SASH1: variants seen among roughly 807,000 people sequenced by gnomAD.
SASH1 encodes SAM and SH3 domain containing 1, also known as SAM and SH3 domain-containing protein 1.
SASH1 carries 44 observed loss-of-function variants against 125.2 expected under a neutral mutation model. The ratio of observed to expected loss-of-function variants is 0.35; its 90% CI spans 0.28 to 0.45. The LOEUF (loss-of-function observed/expected upper bound fraction) is 0.45, where lower values mean the gene tolerates loss of function less well. Among genes scored for constraint, SASH1 ranks in the 20% least tolerant of loss-of-function variants. The probability of loss-of-function intolerance (pLI) is 1.00; values close to 1 mark genes in which losing one functional copy is unlikely to be tolerated. For synonymous variants in SASH1, 639 were observed against 649.1 expected (o/e 0.98, Z 0.24); for missense variants, 1,426 against 1,614.5 (o/e 0.88, Z 2.00).
intron 12 of SASH1, among the ~76,000 whole-genome samples, chr6:148,530,010 T>C (rs1781419077): frequency 1.3e-5 from 2 of 152,176 alleles, no homozygotes; most frequent in African/African-American, 4.8e-5. Context: ...TTTCACTACG[T>C]TGGCCAGGCT....
chr6:148,527,094 G>A (rs1967435), intron 11 of SASH1, among the ~76,000 whole-genome samples: 127,960 of 152,022 alleles, frequency 0.84, 54,056 homozygotes, highest in Non-Finnish European at 0.87. Flanking sequence ...GGATGGTCTC[G>A]ATCTCCTGAC....
rs1432881604 is a variant in SASH1 at position 148,549,287 on chromosome 6, TTGTAACATG to T, written c.*730_*738del. 3.7e-5 allele frequency: 9 copies of T among 246,550 alleles called. No homozygotes were observed. Among genetic ancestry groups the T allele is most frequent in the Non-Finnish European group, 3.8e-5 (5 of 130,288 alleles). 15.3% of individuals were successfully genotyped at this position (246,550 alleles called of 1,614,324 possible). On this transcript the variant is annotated 3_prime_UTR_variant, in exon 20 of 20. Transcript: ENST00000367467. ...AAAGTGAGCTTTTCTAATCGTCTCA[TTGTAACATG>T]GCTTATTTTGTAGAGGTATTCATCA...
intron 7 of SASH1, chr6:148,480,799 C>T (rs1778583622): frequency 6.6e-6 from 1 of 152,346 alleles, no homozygotes; most frequent in African/African-American, 2.4e-5. Flanking sequence ...GAAACATTAC[C>T]GTAAGCTGAA....
the SASH1 span, among the ~76,000 whole-genome samples, chr6:148,253,302 C>T: frequency 2.0e-5 from 3 of 152,072 alleles, no homozygotes; most frequent in South Asian, 2.1e-4. Flanking sequence ...ATGTAGAGGG[C>T]CAAAACAATT....
chr6:148,295,890 T>A (rs1305011422), intron 1 of SASH1, among the ~76,000 whole-genome samples: 2 of 152,214 alleles, frequency 1.3e-5, no homozygotes, highest in Non-Finnish European at 2.9e-5. Flanking sequence ...ATTGTTAATT[T>A]TCAATATTCT....
intron 2 of SASH1, among the ~76,000 whole-genome samples, chr6:148,418,408 G>A (rs954605775): frequency 5.9e-5 from 9 of 152,156 alleles, no homozygotes; most frequent in African/African-American, 2.2e-4. Context: ...AACATGGTTT[G>A]TGTCCTTCCG....
At chr6:148,460,829 A>G (rs960995191) in intron 4 of SASH1, among the ~76,000 whole-genome samples, 1 of 152,228 alleles carries the variant, frequency 6.6e-6, no homozygotes, top group Non-Finnish European at 1.5e-5. Context: ...ATAAAGTGGC[A>G]AGTAGAAGAG....
chr6:148,256,107 C>T, the SASH1 span, among the ~76,000 whole-genome samples: 4 of 152,164 alleles, frequency 2.6e-5, no homozygotes, highest in Non-Finnish European at 4.4e-5. Context: ...TGCCTCTGCC[C>T]TATAGCTGAG....
intron 8 of SASH1, among the ~76,000 whole-genome samples, chr6:148,500,651 G>A (rs750657858): frequency 9.2e-5 from 14 of 152,208 alleles, no homozygotes; most frequent in Admixed American, 3.9e-4. Flanking sequence ...TTTTGTAGAA[G>A]TTGTGGGCCT....
intron 2 of SASH1, among the ~76,000 whole-genome samples, chr6:148,400,384 C>T (rs967578255): frequency 7.2e-5 from 11 of 152,238 alleles, no homozygotes; most frequent in East Asian, 3.8e-4. Context: ...GTCCTCCTGA[C>T]GCACGCAGTC....
the SASH1 span, among the ~76,000 whole-genome samples, chr6:148,258,503 G>C: frequency 6.6e-6 from 1 of 152,110 alleles, no homozygotes; most frequent in Non-Finnish European, 1.5e-5. Flanking sequence ...CCTGCCCAAA[G>C]CTGCAGAGGT....
chr6:148,387,632 C>CCTTCCTTCCTTCCT (rs1783492490), intron 1 of SASH1, among the ~76,000 whole-genome samples: 1 of 37,238 alleles, frequency 2.7e-5, no homozygotes, highest in African/African-American at 9.0e-5. Flanking sequence ...TTCTTTCTTT[C>CCTTCCTTCCTTCCT]TTTCTTTCTT....
At chr6:148,244,668 T>C in the SASH1 span, among the ~76,000 whole-genome samples, 11,840 of 152,112 alleles carry the variant, frequency 0.078, 532 homozygotes, top group Non-Finnish European at 0.099. Context: ...CCTGCTGTTG[T>C]TGTTGCTGCT....
At chr6:148,503,564 CG>C (rs1554265555) in intron 8 of SASH1, among the ~76,000 whole-genome samples, 3 of 152,076 alleles carry the variant, frequency 2.0e-5, no homozygotes, top group Non-Finnish European at 4.4e-5. Context: ...AGTGTGGCTA[CG>C]GTGCACACCA....
intron 8 of SASH1, among the ~76,000 whole-genome samples, chr6:148,488,381 C>T (rs1778964866): frequency 2.0e-5 from 3 of 152,218 alleles, no homozygotes; most frequent in Admixed American, 2.0e-4. Context: ...TTTTGTTTAT[C>T]CATTCATCTG....
intron 1 of SASH1, among the ~76,000 whole-genome samples, chr6:148,350,107 A>C (rs953259593): frequency 1.3e-5 from 2 of 151,712 alleles, no homozygotes; most frequent in African/African-American, 4.8e-5. Context: ...GGCCTCCCAA[A>C]GTGTTGGTAT....
At chr6:148,431,680 A>G (rs141805774) in intron 2 of SASH1, among the ~76,000 whole-genome samples, 16 of 151,272 alleles carry the variant, frequency 1.1e-4, no homozygotes, top group South Asian at 1.1e-3. Context: ...GCTGGAGCTC[A>G]TCTAGTGGGA....
At chr6:148,399,989 AATTT>A (rs1164547635) in intron 2 of SASH1, among the ~76,000 whole-genome samples, 2 of 152,246 alleles carry the variant, frequency 1.3e-5, no homozygotes, top group South Asian at 2.1e-4. Flanking sequence ...ATTACAGTAT[AATTT>A]ATTTAGGCTA....
At chr6:148,534,094 A>G (rs1452641167) in intron 15 of SASH1, 114 bp downstream of exon 15, 9 of 808,564 alleles carry the variant, frequency 1.1e-5, no homozygotes, top group African/African-American at 1.0e-4. Flanking sequence ...GTGTGGTCCA[A>G]TAAGGGCAGC....
Sources: allele counts gnomAD v4.1 joint callset (sites outside exome capture counted in the v4.1 genomes callset), GRCh38; gene constraint gnomAD v4.1.1; transcripts MANE v1.5; gene names NCBI Gene and HGNC (gene_info 2026-07-23, HGNC 2026-07-21).